The following GTF2A2 variants were observed in gnomAD, a reference collection of about 807,000 sequenced individuals.
GTF2A2 encodes the protein general transcription factor IIA subunit 2, also known as transcription initiation factor IIA subunit 2.
GTF2A2 carries 9 observed loss-of-function variants against 14.3 expected under a neutral mutation model. The ratio of observed to expected loss-of-function variants is 0.63; its 90% CI spans 0.38 to 1.10. The LOEUF (loss-of-function observed/expected upper bound fraction) is 1.10, where lower values mean the gene tolerates loss of function less well. GTF2A2 is among the 50% of genes least tolerant of loss of function. The probability of loss-of-function intolerance (pLI) is 0.01; values close to 1 mark genes in which losing one functional copy is unlikely to be tolerated. For missense variants in GTF2A2, 90 were observed against 124.6 expected, an observed-to-expected ratio of 0.72 and a Z score of 1.32; for synonymous variants, 56 against 46.0, an observed-to-expected ratio of 1.22 and a Z score of -0.88.
At chr15:59,652,775 A>G (rs2141967017) in intron 1 of GTF2A2, 1 of 153,786 alleles carries the variant, frequency 6.5e-6, no homozygotes, top group East Asian at 1.9e-4. Flanking sequence ...TTCCAGAGAG[A>G]AGATGATGAT....
chr15:59,649,487 A>G (rs894077984), intron 3 of GTF2A2, among the ~76,000 whole-genome samples: 1 of 152,228 alleles, frequency 6.6e-6, no homozygotes, highest in African/African-American at 2.4e-5. Context: ...ATTTCTTATT[A>G]GAGCAAAATT....
At chr15:59,647,280 G>T (rs1215963613) in intron 3 of GTF2A2, among the ~76,000 whole-genome samples, 1 of 151,984 alleles carries the variant, frequency 6.6e-6, no homozygotes, top group Non-Finnish European at 1.5e-5. Context: ...TTGTTTGTTT[G>T]TAGGGACAGG....
intron 1 of GTF2A2, 103 bp downstream of exon 1, chr15:59,657,303 A>C (rs1891981845): frequency 6.6e-6 from 1 of 152,284 alleles, no homozygotes; most frequent in African/African-American, 2.4e-5. Flanking sequence ...CCAGGAGCGA[A>C]GGGCCCTCAG....
chr15:59,638,967 A>ATGT lies in GTF2A2; in HGVS notation c.*162_*164dup, dbSNP rs1472921997. 5.0e-6 allele frequency: 3 copies of ATGT among 604,590 alleles called. No homozygotes were observed. The highest frequency in any genetic ancestry group is 3.1e-5 in the Admixed American group (1 of 32,468). The allele number at this position is 604,590 out of a possible 1,614,324, so 37.5% of individuals were successfully genotyped here. On this transcript the variant is annotated 3_prime_UTR_variant, in exon 5 of 5. Transcript: ENST00000396060. The stretch of plus-strand genomic sequence containing the variant: ...TTTTTCATGCTGTATAATAAAGGTG[A>ATGT]TGTAAGAGGCTACAGAGTTACAAGT...
chr15:59,650,694 C>T lies in GTF2A2; in HGVS notation c.152G>A (p.Arg51Lys), dbSNP rs770827370. ...CCTGAAATTGACTCTGTTCCTGACC[C>T]TCTGAGCCAGTGCTGCATTTATAGC... ...DKAINAALAQ[R>K]VRNRVNFRGS... The change falls in exon 3 of 5, where the codon AGG becomes AAG. Residue 51 changes from arginine to lysine, a missense_variant. Transcript: ENST00000396060. 2 of 1,602,228 alleles carry T rather than the reference C, an allele frequency of 1.2e-6. No homozygotes were observed. Among genetic ancestry groups the T allele is most frequent in the South Asian group, 2.2e-5 (2 of 90,850 alleles).
chr15:59,641,018 C>CTATT (rs1470101141), intron 4 of GTF2A2, among the ~76,000 whole-genome samples: 2 of 152,070 alleles, frequency 1.3e-5, no homozygotes, highest in Admixed American at 6.6e-5. Flanking sequence ...CTGGAAGAGA[C>CTATT]TATTTCTTTA....
chr15:59,645,147 G>C (rs1173091153), intron 3 of GTF2A2, among the ~76,000 whole-genome samples: 1 of 152,168 alleles, frequency 6.6e-6, no homozygotes, highest in Non-Finnish European at 1.5e-5. Flanking sequence ...CCAAGTTTCT[G>C]ACTTGAATGT....
At chr15:59,649,954 T>C (rs1479185689) in intron 3 of GTF2A2, among the ~76,000 whole-genome samples, 1 of 152,208 alleles carries the variant, frequency 6.6e-6, no homozygotes, top group African/African-American at 2.4e-5. Context: ...TTTCTACAGG[T>C]TATGCCTTAT....
At chr15:59,646,143 A>G (rs2141960855) in intron 3 of GTF2A2, among the ~76,000 whole-genome samples, 1 of 151,998 alleles carries the variant, frequency 6.6e-6, no homozygotes, top group East Asian at 1.9e-4. Context: ...TGCAACCTCC[A>G]CCACCTGGGT....
At chr15:59,648,973 C>T (rs1304391835) in intron 3 of GTF2A2, among the ~76,000 whole-genome samples, 2 of 151,996 alleles carry the variant, frequency 1.3e-5, no homozygotes, top group Non-Finnish European at 1.5e-5. Flanking sequence ...AACTATAAAA[C>T]AATTTAACAT....
intron 3 of GTF2A2, among the ~76,000 whole-genome samples, chr15:59,642,786 G>C (rs1478157384): frequency 6.6e-6 from 1 of 151,980 alleles, no homozygotes; most frequent in Non-Finnish European, 1.5e-5. Flanking sequence ...TTATTTTTTT[G>C]AGATGGAGTC....
rs374075324 is a variant in GTF2A2 at position 59,641,181 on chromosome 15, C to CTTTTTTTTTT, written c.304+945_304+954dup. On this transcript the variant is annotated intron_variant, in intron 4 of 4. Transcript: ENST00000396060. ...CCAGCCTGGGCAATACAGCAAGACT[C>CTTTTTTTTTT]TTTTTTTTTTTTTTTTTTTAAGGCT... Among the ~76,000 whole-genome samples the CTTTTTTTTTT allele has an allele frequency of 1.2e-3, 172 of 141,366 alleles. 2 individuals are homozygous for CTTTTTTTTTT. Among genetic ancestry groups the CTTTTTTTTTT allele is most frequent in the African/African-American group, 4.3e-3 (163 of 37,546 alleles). The allele number at this position is 141,366 out of a possible 152,430, so 92.7% of individuals were successfully genotyped here. A position where few individuals can be genotyped will look rare whatever the true frequency, so the allele number is the denominator to read the frequency against.
chr15:59,656,966 G>A (rs965929210), intron 1 of GTF2A2: 1 of 152,198 alleles, frequency 6.6e-6, no homozygotes, highest in Admixed American at 6.5e-5. Flanking sequence ...AAACCACCAA[G>A]TTTAAAATTC....
chr15:59,647,691 G>A (rs542648360), intron 3 of GTF2A2, among the ~76,000 whole-genome samples: 1 of 152,048 alleles, frequency 6.6e-6, no homozygotes, highest in Admixed American at 6.5e-5. Context: ...CGATTCTCCC[G>A]CCTCAGCCTT....
At chr15:59,642,951 G>A (rs1286415685) in intron 3 of GTF2A2, among the ~76,000 whole-genome samples, 1 of 151,906 alleles carries the variant, frequency 6.6e-6, no homozygotes, top group Non-Finnish European at 1.5e-5. Flanking sequence ...ATTTTTAGCA[G>A]AGATGGTGTT....
At chr15:59,656,649 G>C (rs1305181462) in intron 1 of GTF2A2, among the ~76,000 whole-genome samples, 1 of 152,128 alleles carries the variant, frequency 6.6e-6, no homozygotes, top group Non-Finnish European at 1.5e-5. Flanking sequence ...GTGTGGGAGG[G>C]GAGAGGGGGT....
At chr15:59,647,784 G>T (rs1891654366) in intron 3 of GTF2A2, among the ~76,000 whole-genome samples, 1 of 151,984 alleles carries the variant, frequency 6.6e-6, no homozygotes, top group Admixed American at 6.6e-5. Flanking sequence ...TGGCCAGTCT[G>T]GTCTCAAATT....
intron 3 of GTF2A2, among the ~76,000 whole-genome samples, chr15:59,647,789 C>A (rs1891654708): frequency 6.6e-6 from 1 of 151,574 alleles, no homozygotes; most frequent in Non-Finnish European, 1.5e-5. Context: ...AGTCTGGTCT[C>A]AAATTCCTGA....
intron 4 of GTF2A2, among the ~76,000 whole-genome samples, chr15:59,639,598 G>A (rs1247636610): frequency 6.6e-6 from 1 of 151,214 alleles, no homozygotes; most frequent in Non-Finnish European, 1.5e-5. Flanking sequence ...GAGTAGCTGG[G>A]ACTACAGGTG....
Sources: allele counts gnomAD v4.1 joint callset (sites outside exome capture counted in the v4.1 genomes callset), GRCh38; gene constraint gnomAD v4.1.1; transcripts MANE v1.5; gene names NCBI Gene and HGNC (gene_info 2026-07-23, HGNC 2026-07-21).